Variants in GSE1 observed in about 807,000 individuals in gnomAD.
GSE1 encodes the protein Gse1 coiled-coil protein.
GSE1 carries 32 observed loss-of-function variants against 112.6 expected under a neutral mutation model. The observed-to-expected ratio is 0.28, with a 90% CI of 0.21 to 0.38. GSE1 has a LOEUF of 0.38. GSE1 is among the 10% of genes least tolerant of loss of function. The probability of loss-of-function intolerance (pLI) is 1.00; values close to 1 mark genes in which losing one functional copy is unlikely to be tolerated. For missense variants in GSE1, 2,348 were observed against 1,699.2 expected, an observed-to-expected ratio of 1.38 and a Z score of -6.71; for synonymous variants, 1,115 against 735.6, an observed-to-expected ratio of 1.52 and a Z score of -8.35.
intron 1 of GSE1, among the ~76,000 whole-genome samples, chr16:85,320,009 T>C (rs1025332828): frequency 1.1e-4 from 17 of 152,084 alleles, no homozygotes; most frequent in African/African-American, 2.7e-4. Context: ...CTCCTTGGGG[T>C]TGCGTTTCTT....
At chr16:85,654,178 T>C (rs1567728420) in intron 3 of GSE1, 100 bp from the exon 4 acceptor site, 2 of 1,100,636 alleles carry the variant, frequency 1.8e-6, no homozygotes, top group East Asian at 2.6e-5. Flanking sequence ...GAACATGAAC[T>C]AAATCTAGCG....
Position 85,269,418 on chromosome 16 carries a change from G to A in GSE1, c.2284-88045G>A, listed in dbSNP as rs151090547. Among the ~76,000 whole-genome samples, 111 of 146,434 alleles carry A rather than the reference G, an allele frequency of 7.6e-4. 10 individuals carry two copies. The South Asian group carries it at 0.012, about 16-fold the overall frequency. ...CTGCGTCAGCGCAGGGTGGGAATAC[G>A]CCTGTTAGCATGAGTGTGTGGGTGT... On this transcript the variant is annotated intron_variant, in intron 1 of 2. Coordinates refer to the GSE1 transcript ENST00000637419.
intron 1 of GSE1, among the ~76,000 whole-genome samples, chr16:85,264,444 G>A (rs1908028344): frequency 6.6e-6 from 1 of 152,000 alleles, no homozygotes; most frequent in East Asian, 1.9e-4. Flanking sequence ...TGAGGTTTCC[G>A]GGCCCAGTCT....
chr16:85,539,171 G>C (rs530894622), intron 2 of GSE1, among the ~76,000 whole-genome samples: 1 of 152,202 alleles, frequency 6.6e-6, no homozygotes, highest in Non-Finnish European at 1.5e-5. Flanking sequence ...GTCTTTCCTC[G>C]TTATTCCCAG....
chr16:85,626,431 G>A (rs1181273444), intron 1 of GSE1, among the ~76,000 whole-genome samples: 2 of 152,230 alleles, frequency 1.3e-5, no homozygotes, highest in South Asian at 2.1e-4. Context: ...TGGGGATCGC[G>A]GGGGCGGGCA....
intron 1 of GSE1, among the ~76,000 whole-genome samples, chr16:85,354,854 C>T (rs561384436): frequency 2.6e-4 from 39 of 152,398 alleles, no homozygotes; most frequent in Admixed American, 4.6e-4. Flanking sequence ...TGAGATGACT[C>T]AGGGCAAGGC....
intron 1 of GSE1, among the ~76,000 whole-genome samples, chr16:85,330,927 A>G (rs751868550): frequency 6.6e-6 from 1 of 152,060 alleles, no homozygotes; most frequent in Non-Finnish European, 1.5e-5. Flanking sequence ...TGCTTAAGAC[A>G]CGTGGGAGCT....
intron 1 of GSE1, among the ~76,000 whole-genome samples, chr16:85,605,200 A>T (rs1213443575): frequency 1.3e-5 from 2 of 151,684 alleles, no homozygotes; most frequent in Admixed American, 1.3e-4. Flanking sequence ...CCCCTTGCCT[A>T]GTGACCAGCC....
chr16:85,597,746 C>T (rs2047295292), intron 1 of GSE1, among the ~76,000 whole-genome samples: 1 of 152,242 alleles, frequency 6.6e-6, no homozygotes, highest in African/African-American at 2.4e-5. Flanking sequence ...GCTGGGATTA[C>T]AGGCATGATC....
At chr16:85,494,095 C>T (rs996411311) in intron 2 of GSE1, among the ~76,000 whole-genome samples, 3 of 152,316 alleles carry the variant, frequency 2.0e-5, no homozygotes, top group Admixed American at 1.3e-4. Context: ...TCAGTGTATT[C>T]GTTCCCTAAA....
intron 2 of GSE1, among the ~76,000 whole-genome samples, chr16:85,647,181 T>C (rs915080328): frequency 6.6e-6 from 1 of 152,176 alleles, no homozygotes; most frequent in Non-Finnish European, 1.5e-5. Context: ...TGCCCGTCCA[T>C]GCCCCCTGTC....
At chr16:85,212,850 G>A (rs2075248511) in intron 1 of GSE1, among the ~76,000 whole-genome samples, 1 of 152,198 alleles carries the variant, frequency 6.6e-6, no homozygotes, top group Non-Finnish European at 1.5e-5. Flanking sequence ...AACTGTAGCT[G>A]GGTGTGGTGG....
At chr16:85,543,617 A>G (rs919725796) in intron 2 of GSE1, among the ~76,000 whole-genome samples, 2 of 152,130 alleles carry the variant, frequency 1.3e-5, no homozygotes, top group South Asian at 4.1e-4. Flanking sequence ...GCAGCACTGG[A>G]GAATCTGAGA....
chr16:85,558,572 G>A (rs2045350554), intron 1 of GSE1, among the ~76,000 whole-genome samples: 1 of 151,936 alleles, frequency 6.6e-6, no homozygotes, highest in African/African-American at 2.4e-5. Flanking sequence ...GCCCCCAGTG[G>A]GTAGGCAGGA....
At chr16:85,561,492 G>T (rs949998772) in intron 1 of GSE1, among the ~76,000 whole-genome samples, 9 of 152,168 alleles carry the variant, frequency 5.9e-5, no homozygotes, top group African/African-American at 2.2e-4. Flanking sequence ...CCCCACCCCA[G>T]CCCCACACTG....
Position 85,437,261 on chromosome 16 carries a change from C to G in GSE1, c.2464+79618C>G, listed in dbSNP as rs542199398. ...GTCACAGAGGCCCCCTGCACGCCCTCCAAACAATCTTCAACCCCCAAAAGA... is the reference window on the plus strand; with the variant it reads ...GTCACAGAGGCCCCCTGCACGCCCTGCAAACAATCTTCAACCCCCAAAAGA... On this transcript the variant is annotated intron_variant, in intron 2 of 2. Transcript: ENST00000637419. 3.3e-5 allele frequency among the ~76,000 whole-genome samples: 5 copies of G among 152,268 alleles called. No homozygotes were observed. In the South Asian group the frequency reaches 6.2e-4, roughly 19 times the overall value.
chr16:85,671,135 AC>A (rs1555573499), intron 15 of GSE1, 37 bp downstream of exon 15: 1 of 1,203,240 alleles, frequency 8.3e-7, no homozygotes, highest in Non-Finnish European at 1.2e-6. Context: ...CAAACACGCA[AC>A]CTTTTGAGTT....
rs559504621 is a variant in GSE1, at chr16:85,538,465, C to T, written c.2465-95449C>T. On this transcript the variant is annotated intron_variant, in intron 2 of 2. Transcript: ENST00000637419. ...GAAATACACAAATTCCCTTCAGTCC[C>T]CAGCAGCCTTTCACCTCCTGGCATG... Among the ~76,000 whole-genome samples, 3 of 152,310 alleles carry T rather than the reference C, an allele frequency of 2.0e-5. No homozygotes were observed. In the East Asian group the frequency reaches 5.8e-4, roughly 29 times the overall value.
intron 2 of GSE1, among the ~76,000 whole-genome samples, chr16:85,422,167 C>T (rs1269601181): frequency 6.6e-6 from 1 of 152,206 alleles, no homozygotes; most frequent in African/African-American, 2.4e-5. Context: ...CGGCCCCCTC[C>T]TCCCCTGGTC....
Sources: gnomAD v4.1 joint callset for allele counts (sites outside exome capture counted in the v4.1 genomes callset) on GRCh38, gnomAD v4.1.1 for gene constraint, MANE v1.5 for transcripts, NCBI Gene and HGNC (gene_info 2026-07-23, HGNC 2026-07-21) for gene names.